Variants in MGAT4C observed in about 807,000 individuals in gnomAD.
MGAT4C encodes the protein alpha-1,3-mannosyl-glycoprotein 4-beta-N-acetylglucosaminyltransferase C.
MGAT4C carries 19 observed loss-of-function variants against 40.1 expected under a neutral mutation model. The ratio of observed to expected loss-of-function variants is 0.47; its 90% confidence interval spans 0.33 to 0.70. The LOEUF (loss-of-function observed/expected upper bound fraction) is 0.70, where lower values mean the gene tolerates loss of function less well. Among genes scored for constraint, MGAT4C ranks in the 30% least tolerant of loss-of-function variants. The probability of loss-of-function intolerance (pLI) is 0.02; values close to 1 mark genes in which losing one functional copy is unlikely to be tolerated. For missense variants in MGAT4C, 491 were observed against 563.2 expected (o/e 0.87, Z 1.30); for synonymous variants, 181 against 187.1 (o/e 0.97, Z 0.27).
At chr12:86,831,308 T>C (rs1758157571) in intron 1 of MGAT4C, among the ~76,000 whole-genome samples, 1 of 151,698 alleles carries the variant, frequency 6.6e-6, no homozygotes, top group Non-Finnish European at 1.5e-5. Flanking sequence ...CAATACTATG[T>C]AGAGGGAGGG....
At chr12:86,064,342 T>G (rs1054282291) in intron 1 of MGAT4C, among the ~76,000 whole-genome samples, 4 of 152,118 alleles carry the variant, frequency 2.6e-5, no homozygotes, top group Admixed American at 2.0e-4. Context: ...ATCACGCCAC[T>G]GCACTCCAGC....
At chr12:86,100,175 T>C (rs1874712030) in intron 1 of MGAT4C, among the ~76,000 whole-genome samples, 6 of 151,496 alleles carry the variant, frequency 4.0e-5, no homozygotes, top group Admixed American at 4.0e-4. Flanking sequence ...GTAAATTTTC[T>C]TAATCAGAGA....
chr12:86,765,922 T>C (rs1951497980), intron 1 of MGAT4C, among the ~76,000 whole-genome samples: 1 of 152,042 alleles, frequency 6.6e-6, no homozygotes, highest in African/African-American at 2.4e-5. Flanking sequence ...CATGCCAAAA[T>C]GTAAAGACCA....
intron 2 of MGAT4C, among the ~76,000 whole-genome samples, chr12:86,646,509 C>G (rs528504374): frequency 1.3e-5 from 2 of 151,966 alleles, no homozygotes; most frequent in East Asian, 3.9e-4. Flanking sequence ...GTATAGACTA[C>G]AAGTTCTCTA....
chr12:86,414,676 C>T (rs1315696283), intron 3 of MGAT4C, among the ~76,000 whole-genome samples: 1 of 152,060 alleles, frequency 6.6e-6, no homozygotes, highest in African/African-American at 2.4e-5. Flanking sequence ...GTTTTTCTAA[C>T]TAGTGTACCT....
chr12:86,438,000 C>T (rs976889537), intron 2 of MGAT4C, among the ~76,000 whole-genome samples: 2 of 151,854 alleles, frequency 1.3e-5, no homozygotes, highest in African/African-American at 2.4e-5. Context: ...AAGGAAGAGT[C>T]ATGGTCTTTC....
chr12:86,758,392 A>T (rs4300452), intron 1 of MGAT4C, among the ~76,000 whole-genome samples: 11,701 of 79,744 alleles, frequency 0.15, 697 homozygotes, highest in African/African-American at 0.3. Context: ...TTTTTTTTTA[A>T]AAAAAAGAAA....
At chr12:86,758,837 A>T (rs1374459032) in intron 1 of MGAT4C, among the ~76,000 whole-genome samples, 1 of 152,056 alleles carries the variant, frequency 6.6e-6, no homozygotes, top group Non-Finnish European at 1.5e-5. Context: ...TAATGATCGA[A>T]TTGGGGCAAT....
chr12:86,209,306 G>A (rs896295573), intron 1 of MGAT4C, among the ~76,000 whole-genome samples: 1 of 151,422 alleles, frequency 6.6e-6, no homozygotes, highest in African/African-American at 2.4e-5. Flanking sequence ...CTACCCTTCT[G>A]AAAAAAAATC....
At chr12:86,438,300 T>G (rs2136275520) in intron 2 of MGAT4C, among the ~76,000 whole-genome samples, 1 of 152,066 alleles carries the variant, frequency 6.6e-6, no homozygotes, top group Non-Finnish European at 1.5e-5. Flanking sequence ...TCTTTAATTC[T>G]ATGAAAGCTG....
chr12:86,535,623 T>A (rs111781284), intron 2 of MGAT4C, among the ~76,000 whole-genome samples: 2 of 152,052 alleles, frequency 1.3e-5, no homozygotes, highest in Non-Finnish European at 2.9e-5. Context: ...AGTGATACAT[T>A]ATATAATGAG....
intron 2 of MGAT4C, among the ~76,000 whole-genome samples, chr12:86,441,877 G>A (rs936282184): frequency 1.3e-5 from 2 of 152,026 alleles, no homozygotes; most frequent in Non-Finnish European, 2.9e-5. Flanking sequence ...TGGGATGGCT[G>A]GGTCAAGGAT....
chr12:86,680,951 G>C (rs1174685007), intron 2 of MGAT4C, among the ~76,000 whole-genome samples: 1 of 151,816 alleles, frequency 6.6e-6, no homozygotes, highest in Non-Finnish European at 1.5e-5. Flanking sequence ...TTTTTTTCTG[G>C]TATGTGATAC....
chr12:86,282,547 G>GA (rs1566256330), intron 4 of MGAT4C, among the ~76,000 whole-genome samples: 1 of 151,724 alleles, frequency 6.6e-6, no homozygotes, highest in African/African-American at 2.4e-5. Flanking sequence ...GCTAATCCTG[G>GA]TATACCAGTC....
intron 3 of MGAT4C, among the ~76,000 whole-genome samples, chr12:85,989,053 A>G (rs1316222800): frequency 6.6e-6 from 1 of 152,046 alleles, no homozygotes; most frequent in African/African-American, 2.4e-5. Context: ...AAGGAGTTAT[A>G]CTTTCTAAGC....
intron 1 of MGAT4C, among the ~76,000 whole-genome samples, chr12:86,098,567 C>T (rs1055770233): frequency 1.3e-5 from 2 of 151,548 alleles, no homozygotes; most frequent in African/African-American, 2.4e-5. Flanking sequence ...ATATTAGATG[C>T]TTTTTGCAAT....
intron 2 of MGAT4C, among the ~76,000 whole-genome samples, chr12:86,480,347 C>T (rs1292895440): frequency 1.3e-5 from 2 of 151,474 alleles, no homozygotes; most frequent in African/African-American, 2.4e-5. Flanking sequence ...CCTGACAACT[C>T]AAAGGGTATT....
At chr12:86,229,350 G>A (rs1443581843) in intron 1 of MGAT4C, among the ~76,000 whole-genome samples, 2 of 151,896 alleles carry the variant, frequency 1.3e-5, no homozygotes, top group East Asian at 1.9e-4. Flanking sequence ...ATGAAAAAAT[G>A]TTCAGTTACA....
intron 1 of MGAT4C, among the ~76,000 whole-genome samples, chr12:86,778,128 A>G (rs1951775340): frequency 6.6e-6 from 1 of 152,140 alleles, no homozygotes; most frequent in Non-Finnish European, 1.5e-5. Flanking sequence ...TTTCTATCAT[A>G]TAAAAATGAG....
Sources: gnomAD v4.1 joint callset for allele counts (sites outside exome capture counted in the v4.1 genomes callset) on GRCh38, gnomAD v4.1.1 for gene constraint, MANE v1.5 for transcripts, NCBI Gene and HGNC (gene_info 2026-07-23, HGNC 2026-07-21) for gene names.